Variants in MUSK observed in about 807,000 individuals in gnomAD.
The protein encoded by MUSK is muscle, skeletal receptor tyrosine-protein kinase.
MUSK carries 55 observed loss-of-function variants against 88.7 expected under a neutral mutation model. The ratio of observed to expected loss-of-function variants is 0.62; its 90% CI spans 0.50 to 0.78. The LOEUF is 0.78. Ranked by LOEUF, MUSK falls within the 30% of genes least tolerant of loss-of-function variation. The pLI is 0.00. For missense variants in MUSK, 1,015 were observed against 1,074.3 expected (o/e 0.94, Z 0.77); for synonymous variants, 387 against 391.9 (o/e 0.99, Z 0.15).
intron 5 of MUSK, chr9:110,706,326 C>A: frequency 3.4e-6 from 1 of 294,000 alleles, no homozygotes; most frequent in Admixed American, 4.7e-5. Context: ...CCCTCAAAAC[C>A]TTTTATTTGC....
intron 5 of MUSK, among the ~76,000 whole-genome samples, chr9:110,730,808 T>C (rs902392352): frequency 5.3e-5 from 8 of 152,102 alleles, no homozygotes; most frequent in African/African-American, 1.9e-4. Context: ...GCTTTATTGC[T>C]GATAAGGCTG....
At chr9:110,688,818 T>C (rs1400926471) in intron 3 of MUSK, among the ~76,000 whole-genome samples, 1 of 151,778 alleles carries the variant, frequency 6.6e-6, no homozygotes, top group Non-Finnish European at 1.5e-5. Flanking sequence ...GGCTCTGTAG[T>C]ATTCCATGGT....
intron 5 of MUSK, among the ~76,000 whole-genome samples, chr9:110,702,168 G>A (rs1051968565): frequency 1.3e-5 from 2 of 151,820 alleles, no homozygotes; most frequent in Non-Finnish European, 2.9e-5. Context: ...GGAAATGCTG[G>A]GCTAGTTGTA....
intron 4 of MUSK, among the ~76,000 whole-genome samples, chr9:110,697,062 A>G (rs1294955524): frequency 1.3e-5 from 2 of 148,408 alleles, no homozygotes; most frequent in African/African-American, 4.9e-5. Flanking sequence ...CATATTATAT[A>G]TATAATATAT....
intron 6 of MUSK, among the ~76,000 whole-genome samples, chr9:110,735,261 T>G (rs2077015366): frequency 6.6e-6 from 1 of 152,146 alleles, no homozygotes; most frequent in South Asian, 2.1e-4. Context: ...TGCACTCCCA[T>G]GTTTATTGCG....
chr9:110,755,706 G>T (rs1180867432), intron 7 of MUSK, among the ~76,000 whole-genome samples: 1 of 151,672 alleles, frequency 6.6e-6, no homozygotes, highest in Non-Finnish European at 1.5e-5. Flanking sequence ...AGACAAAATG[G>T]GTCTGCTACT....
chr9:110,732,018 C>T (rs1242900110), intron 5 of MUSK, among the ~76,000 whole-genome samples: 1 of 152,046 alleles, frequency 6.6e-6, no homozygotes, highest in Non-Finnish European at 1.5e-5. Context: ...AAAACATAAT[C>T]GAAATTACAT....
chr9:110,739,304 T>C (rs991635123), intron 6 of MUSK, among the ~76,000 whole-genome samples: 2 of 152,154 alleles, frequency 1.3e-5, no homozygotes, highest in Admixed American at 1.3e-4. Context: ...CTAGTGAAGT[T>C]GCATGGACAG....
intron 5 of MUSK, among the ~76,000 whole-genome samples, chr9:110,715,214 C>A (rs553785625): frequency 6.7e-6 from 1 of 150,062 alleles, no homozygotes; most frequent in South Asian, 2.1e-4. Flanking sequence ...GAAGACCTGG[C>A]TTCAAAATTT....
intron 14 of MUSK, chr9:110,788,225 C>A (rs1218930019): frequency 5.5e-6 from 1 of 181,218 alleles, no homozygotes; most frequent in Admixed American, 6.0e-5. Flanking sequence ...CGATTTGTAT[C>A]TTTTCTGTTC....
intron 6 of MUSK, among the ~76,000 whole-genome samples, chr9:110,744,342 C>T (rs749760029): frequency 2.6e-5 from 4 of 152,142 alleles, no homozygotes; most frequent in Non-Finnish European, 4.4e-5. Context: ...CCATTGAGGC[C>T]AGAATACCTT....
At chr9:110,721,106 A>G (rs1035646244) in intron 5 of MUSK, among the ~76,000 whole-genome samples, 1 of 152,154 alleles carries the variant, frequency 6.6e-6, no homozygotes, top group Non-Finnish European at 1.5e-5. Context: ...AATAAAAGCC[A>G]TCTATGACAA....
intron 1 of MUSK, among the ~76,000 whole-genome samples, chr9:110,669,926 T>C (rs1417703148): frequency 1.3e-5 from 2 of 152,212 alleles, no homozygotes; most frequent in African/African-American, 4.8e-5. Flanking sequence ...TTTCCCTTTA[T>C]ATTAATCAAA....
chr9:110,770,757 T>A (rs1479255895), intron 9 of MUSK, among the ~76,000 whole-genome samples: 1 of 151,382 alleles, frequency 6.6e-6, no homozygotes, highest in South Asian at 2.1e-4. Flanking sequence ...TACTTTTTTT[T>A]AATTAAATTT....
chr9:110,675,215 C>CTTTTTTTT (rs386415865), intron 1 of MUSK, among the ~76,000 whole-genome samples: 2 of 88,344 alleles, frequency 2.3e-5, no homozygotes, highest in East Asian at 3.8e-4. Context: ...CACATTGCCT[C>CTTTTTTTT]TTTTTTTTTT....
intron 3 of MUSK, among the ~76,000 whole-genome samples, chr9:110,689,154 T>C (rs1180282185): frequency 1.6e-5 from 2 of 127,588 alleles, no homozygotes; most frequent in African/African-American, 3.1e-5. Flanking sequence ...TATATTTATA[T>C]AAAATATAAA....
intron 5 of MUSK, among the ~76,000 whole-genome samples, chr9:110,718,390 G>A (rs912323293): frequency 6.6e-6 from 1 of 151,978 alleles, no homozygotes; most frequent in Non-Finnish European, 1.5e-5. Context: ...TTCCAAGGGA[G>A]AATTTGTGGA....
Position 110,805,792 on chromosome 9 carries a change from A to T in MUSK, c.*4804A>T, listed in dbSNP as rs75177286. Among the ~76,000 whole-genome samples, 12,936 of 151,672 alleles carry T rather than the reference A, an allele frequency of 0.085. 751 individuals are homozygous for T. Among genetic ancestry groups the T allele is most frequent in the East Asian group, 0.17 (883 of 5,148 alleles). ...TAAACTTTTTGGGCGAATCATATCA[A>T]TCTTCTACTTAACTACCAAATTAAT... is the stretch of plus-strand genomic sequence containing the variant. On this transcript the variant is annotated 3_prime_UTR_variant, in exon 15 of 15. Transcript: ENST00000374448.
intron 5 of MUSK, among the ~76,000 whole-genome samples, chr9:110,714,515 T>C (rs2076720238): frequency 6.6e-6 from 1 of 152,170 alleles, no homozygotes; most frequent in Admixed American, 6.5e-5. Flanking sequence ...GGAGCCACAG[T>C]GGGTAAACCT....
Sources: gnomAD v4.1 joint callset for allele counts (sites outside exome capture counted in the v4.1 genomes callset) on GRCh38, gnomAD v4.1.1 for gene constraint, MANE v1.5 for transcripts, NCBI Gene and HGNC (gene_info 2026-07-23, HGNC 2026-07-21) for gene names.